The following MAPK8 variants were observed in gnomAD, a reference collection of about 807,000 sequenced individuals.
The protein encoded by MAPK8 is JUN N-terminal kinase.
Under a neutral mutation model 52.9 loss-of-function variants are expected in MAPK8, and 13 were observed. The ratio of observed to expected loss-of-function variants is 0.25; its 90% CI spans 0.16 to 0.39. The LOEUF (loss-of-function observed/expected upper bound fraction) is 0.39. Among genes scored for constraint, MAPK8 ranks in the 10% least tolerant of loss-of-function variants. MAPK8 has a pLI of 1.00. For synonymous variants in MAPK8, 191 were observed against 169.8 expected, an observed-to-expected ratio of 1.12 and a Z score of -0.97; for missense variants, 300 against 519.2, an observed-to-expected ratio of 0.58 and a Z score of 4.10.
chr10:48,429,381 A>C lies in MAPK8; in HGVS notation c.1061-1812A>C, dbSNP rs75440248. On this transcript the variant is annotated intron_variant, in intron 10 of 11. Coordinates refer to ENST00000374189, the MANE Select transcript of MAPK8 (RefSeq NM_001323329.2). ...TTTGGGGGTTTTGATTGCTTTAAAA[A>C]CATTTACCTTTATTCTGTATCCTTT... Among the ~76,000 whole-genome samples the C allele has an allele frequency of 6.4e-4, 98 of 152,328 alleles. 1 individual carries two copies. In the East Asian group the frequency reaches 0.017, roughly 27 times the overall value.
At position 48,348,721 on chromosome 10, in the gene MAPK8, C is replaced by T. The variant is rs571303783; in HGVS notation, c.-50+41900C>T. ...TAGATGTGTGGTGTTATTTCTGAGGCCTCTGTTCTGTTCCATTGGTCTATA... is the reference window on the plus strand; with the variant it reads ...TAGATGTGTGGTGTTATTTCTGAGGTCTCTGTTCTGTTCCATTGGTCTATA... On this transcript the variant is annotated intron_variant, in intron 1 of 11. Transcript: ENST00000374189. 5.3e-5 allele frequency among the ~76,000 whole-genome samples: 8 copies of T among 152,150 alleles called. No homozygotes were observed. In the South Asian group the frequency reaches 1.7e-3, roughly 32 times the overall value.
intron 1 of MAPK8, among the ~76,000 whole-genome samples, chr10:48,387,034 C>T (rs1250916265): frequency 6.6e-6 from 1 of 152,156 alleles, no homozygotes; most frequent in Non-Finnish European, 1.5e-5. Flanking sequence ...TCTGTCTTAG[C>T]ATCATTTTGT....
chr10:48,435,605 A>G lies in MAPK8; in HGVS notation c.*576A>G, dbSNP rs2044791655. On this transcript the variant is annotated 3_prime_UTR_variant, in exon 12 of 12. Transcript: ENST00000374189. ...GACCTCCAATATTTGCTACTTGCCAATCCTAATTTAGTTACAAGAATTGGT... is the reference window on the plus strand; with the variant it reads ...GACCTCCAATATTTGCTACTTGCCAGTCCTAATTTAGTTACAAGAATTGGT... 1 of 152,198 alleles carries G rather than the reference A, an allele frequency of 6.6e-6. No homozygotes were observed. Among genetic ancestry groups the G allele is most frequent in the South Asian group, 2.1e-4 (1 of 4,834 alleles). The allele number at this position is 152,198 out of a possible 1,614,324, so 9.4% of individuals were successfully genotyped here.
intron 1 of MAPK8, among the ~76,000 whole-genome samples, chr10:48,381,923 A>G (rs1198260824): frequency 6.6e-6 from 1 of 152,170 alleles, no homozygotes; most frequent in African/African-American, 2.4e-5. Context: ...GTGGCACCCA[A>G]GTATGATTAT....
intron 1 of MAPK8, among the ~76,000 whole-genome samples, chr10:48,397,053 G>T (rs1378918617): frequency 1.3e-5 from 2 of 152,108 alleles, no homozygotes; most frequent in African/African-American, 4.8e-5. Context: ...CTATCAAAAT[G>T]AGGAAACTAA....
intron 1 of MAPK8, among the ~76,000 whole-genome samples, chr10:48,336,926 G>A (rs1042691990): frequency 6.6e-6 from 1 of 152,110 alleles, no homozygotes; most frequent in Non-Finnish European, 1.5e-5. Flanking sequence ...AACAAGATTT[G>A]TATCTCCTAG....
intron 6 of MAPK8, among the ~76,000 whole-genome samples, chr10:48,421,752 C>T (rs1055898127): frequency 6.6e-6 from 1 of 151,810 alleles, no homozygotes; most frequent in Non-Finnish European, 1.5e-5. Flanking sequence ...TACAGTGAGC[C>T]GAGATTGCAC....
chr10:48,364,213 G>T (rs1353816550), intron 1 of MAPK8, among the ~76,000 whole-genome samples: 3 of 152,024 alleles, frequency 2.0e-5, no homozygotes, highest in Non-Finnish European at 4.4e-5. Context: ...GACTAAAGAG[G>T]ATATTTTCAT....
In MAPK8 at chr10:48,415,954, T is replaced by C. The variant is rs1387369093; in HGVS notation, c.451-4201T>C. On this transcript the variant is annotated intron_variant, in intron 5 of 11. Coordinates refer to ENST00000374189, the MANE Select transcript of MAPK8 (RefSeq NM_001323329.2). ...GGAGCTAATGAGATCTACTGGGGTCTGTTATCTATTATGAAGAATCTCCCT... is the reference window on the plus strand; with the variant it reads ...GGAGCTAATGAGATCTACTGGGGTCCGTTATCTATTATGAAGAATCTCCCT... 2.6e-5 allele frequency among the ~76,000 whole-genome samples: 4 copies of C among 152,192 alleles called. No individual in the cohort carries two copies. The South Asian group carries it at 6.2e-4, about 24-fold the overall frequency.
intron 5 of MAPK8, among the ~76,000 whole-genome samples, chr10:48,413,815 TTATATATATATATATATATATA>T (rs59042608): frequency 0.17 from 8,350 of 48,576 alleles, 965 homozygotes; most frequent in Admixed American, 0.43. Flanking sequence ...GCCAGAATTG[TTATATATATATATATATATATA>T]TATATATATA....
At chr10:48,395,758 T>A (rs1336253777) in intron 1 of MAPK8, among the ~76,000 whole-genome samples, 2 of 151,982 alleles carry the variant, frequency 1.3e-5, no homozygotes, top group Admixed American at 1.3e-4. Context: ...AGCATTATAC[T>A]CAGGACACTG....
At chr10:48,406,033 C>T (rs1449025116) in intron 3 of MAPK8, among the ~76,000 whole-genome samples, 1 of 151,836 alleles carries the variant, frequency 6.6e-6, no homozygotes, top group South Asian at 2.1e-4. Flanking sequence ...TGATGGTGGC[C>T]CATATATTGA....
At position 48,324,769 on chromosome 10, in the gene MAPK8, T is replaced by G. The variant is rs190573150; in HGVS notation, c.-50+17948T>G. ...GTGGTTTGCCTAAAGTGTGATCATTTGGTGTTAAGGTGGTATTCACCAGAT... is the reference window on the plus strand; with the variant it reads ...GTGGTTTGCCTAAAGTGTGATCATTGGGTGTTAAGGTGGTATTCACCAGAT... On this transcript the variant is annotated intron_variant, in intron 1 of 11. Transcript: ENST00000374189. Among the ~76,000 whole-genome samples, 137 of 152,226 alleles carry G rather than the reference T, an allele frequency of 9.0e-4. 1 individual carries two copies. In the Middle Eastern group the frequency reaches 0.02, roughly 23 times the overall value.
In MAPK8 at chr10:48,425,838, A is replaced by T. The variant is rs764221521; in HGVS notation, c.689-50A>T. ...TTTTCTTGTAATATGAATATGACTAATGTATTGAACATTAGTTATGGAGTA... is the reference window on the plus strand; with the variant it reads ...TTTTCTTGTAATATGAATATGACTATTGTATTGAACATTAGTTATGGAGTA... On this transcript the variant is annotated intron_variant, in intron 7 of 11. Coordinates refer to ENST00000374189, the MANE Select transcript of MAPK8 (RefSeq NM_001323329.2). 7.4e-5 allele frequency: 25 copies of T among 336,652 alleles called. No homozygotes were observed. The Middle Eastern group carries it at 3.9e-3, about 53-fold the overall frequency. The allele number at this position is 336,652 out of a possible 1,614,324, so 20.9% of individuals were successfully genotyped here.
intron 1 of MAPK8, among the ~76,000 whole-genome samples, chr10:48,383,015 C>CTT (rs1308148892): frequency 6.7e-6 from 1 of 150,084 alleles, no homozygotes; most frequent in Non-Finnish European, 1.5e-5. Flanking sequence ...CTATAGACCT[C>CTT]TTTCAAAGAA....
chr10:48,415,204 A>G (rs1253248419), intron 5 of MAPK8, among the ~76,000 whole-genome samples: 2 of 152,184 alleles, frequency 1.3e-5, no homozygotes, highest in Non-Finnish European at 2.9e-5. Context: ...CTACTCATAC[A>G]GTATGTGAAG....
chr10:48,388,747 A>G (rs1295744333), intron 1 of MAPK8, among the ~76,000 whole-genome samples: 1 of 152,142 alleles, frequency 6.6e-6, no homozygotes, highest in African/African-American at 2.4e-5. Flanking sequence ...ATTTGGTGCT[A>G]GTGTCAGCAG....
intron 1 of MAPK8, among the ~76,000 whole-genome samples, chr10:48,371,782 G>T (rs575249567): frequency 6.6e-6 from 1 of 152,112 alleles, no homozygotes; most frequent in East Asian, 1.9e-4. Flanking sequence ...TTGTAGCCTT[G>T]TGTCTGACTG....
At chr10:48,348,628 A>G (rs897150902) in intron 1 of MAPK8, among the ~76,000 whole-genome samples, 1 of 152,184 alleles carries the variant, frequency 6.6e-6, no homozygotes, top group Non-Finnish European at 1.5e-5. Context: ...TCCCAACACC[A>G]TTTGTTAAGT....
Sources: gnomAD v4.1 joint callset for allele counts (sites outside exome capture counted in the v4.1 genomes callset) on GRCh38, gnomAD v4.1.1 for gene constraint, MANE v1.5 for transcripts, NCBI Gene and HGNC (gene_info 2026-07-23, HGNC 2026-07-21) for gene names.